DOK6: variants seen among roughly 807,000 people sequenced by gnomAD.
DOK6 encodes downstream of tyrosine kinase 6.
DOK6 carries 22 observed loss-of-function variants against 44.0 expected under a neutral mutation model. That is an observed-to-expected ratio of 0.50 (90% CI 0.36 to 0.71). DOK6 has a LOEUF of 0.71. Ranked by LOEUF, DOK6 falls within the 30% of genes least tolerant of loss-of-function variation. DOK6 has a pLI of 0.00. For synonymous variants in DOK6, 166 were observed against 145.5 expected (o/e 1.14, Z -1.01); for missense variants, 340 against 416.4 (o/e 0.82, Z 1.60).
At chr18:69,720,531 A>G (rs538027673) in intron 5 of DOK6, among the ~76,000 whole-genome samples, 54 of 152,314 alleles carry the variant, frequency 3.5e-4, no homozygotes, top group African/African-American at 1.2e-3. Flanking sequence ...AAGTCGACCA[A>G]TTTCCTAAAG....
intron 5 of DOK6, among the ~76,000 whole-genome samples, chr18:69,724,154 T>C (rs1288304446): frequency 6.6e-6 from 1 of 152,202 alleles, no homozygotes; most frequent in East Asian, 1.9e-4. Context: ...CTGAAATGTG[T>C]AATCAATCCC....
intron 5 of DOK6, among the ~76,000 whole-genome samples, chr18:69,715,751 G>A (rs1986868201): frequency 6.6e-6 from 1 of 152,182 alleles, no homozygotes; most frequent in East Asian, 1.9e-4. Context: ...ATCAGGATCT[G>A]AATTGGTCTT....
chr18:69,828,593 A>G (rs925545202), intron 7 of DOK6, among the ~76,000 whole-genome samples: 1 of 151,714 alleles, frequency 6.6e-6, no homozygotes, highest in African/African-American at 2.4e-5. Flanking sequence ...TGAAAATATA[A>G]TTCTATTTGA....
At chr18:69,628,429 G>C (rs529836273) in intron 3 of DOK6, among the ~76,000 whole-genome samples, 1 of 152,212 alleles carries the variant, frequency 6.6e-6, no homozygotes, top group South Asian at 2.1e-4. Context: ...GGCAGAACTT[G>C]CAGTGAGCCA....
chr18:69,606,647 C>T (rs953490457), intron 3 of DOK6, among the ~76,000 whole-genome samples: 5 of 151,714 alleles, frequency 3.3e-5, no homozygotes, highest in Non-Finnish European at 7.4e-5. Context: ...CCCTAAGACT[C>T]CATTTAAAAA....
chr18:69,605,114 G>A lies in DOK6; in HGVS notation c.289+5616G>A, dbSNP rs62089907. ...TGTGTGTGTGTGTGTGTGTGTGTGT[G>A]TGTGTGTGTGTGTTTCAGAATCAGC... On this transcript the variant is annotated intron_variant, in intron 3 of 7. Transcript: ENST00000382713. Among the ~76,000 whole-genome samples, 766 of 148,590 alleles carry A rather than the reference G, an allele frequency of 5.2e-3. 7 individuals carry two copies. The highest frequency in any genetic ancestry group is 0.014 in the South Asian group (67 of 4,668).
intron 6 of DOK6, among the ~76,000 whole-genome samples, chr18:69,739,959 T>A (rs957697433): frequency 2.6e-5 from 4 of 152,178 alleles, no homozygotes; most frequent in African/African-American, 9.7e-5. Flanking sequence ...TATGAAACAT[T>A]TTGAAGTATA....
At chr18:69,526,726 A>G (rs1461987515) in intron 1 of DOK6, among the ~76,000 whole-genome samples, 2 of 152,142 alleles carry the variant, frequency 1.3e-5, no homozygotes, top group Admixed American at 6.6e-5. Context: ...TTTTAAACAT[A>G]CTGAGATTTG....
At chr18:69,752,363 A>C (rs1019122827) in intron 6 of DOK6, among the ~76,000 whole-genome samples, 13 of 152,346 alleles carry the variant, frequency 8.5e-5, no homozygotes, top group Middle Eastern at 3.4e-3. Context: ...AATTCTACTT[A>C]TACATACATC....
At chr18:69,540,426 A>C (rs1489358346) in intron 1 of DOK6, among the ~76,000 whole-genome samples, 2 of 152,130 alleles carry the variant, frequency 1.3e-5, no homozygotes, top group Non-Finnish European at 2.9e-5. Flanking sequence ...CCACAAGTTA[A>C]ATAATGTGTC....
intron 1 of DOK6, among the ~76,000 whole-genome samples, chr18:69,411,765 T>G (rs1419091565): frequency 6.6e-6 from 1 of 152,110 alleles, no homozygotes; most frequent in Non-Finnish European, 1.5e-5. Flanking sequence ...CACCACTACC[T>G]CCTCAAGTAT....
chr18:69,694,089 A>AAAAAAAAAAAAAAAAAAT (rs1372739323), intron 4 of DOK6, among the ~76,000 whole-genome samples: 11 of 144,242 alleles, frequency 7.6e-5, no homozygotes, highest in Non-Finnish European at 1.7e-4. Flanking sequence ...AAAAAAAAAA[A>AAAAAAAAAAAAAAAAAAT]ATTGATCTAT....
At chr18:69,491,879 C>T (rs1027970494) in intron 1 of DOK6, among the ~76,000 whole-genome samples, 16 of 152,116 alleles carry the variant, frequency 1.1e-4, no homozygotes, top group Non-Finnish European at 2.4e-4. Flanking sequence ...ATATATAAAT[C>T]AACTTTTTTG....
At chr18:69,637,409 A>G (rs1599234469) in intron 3 of DOK6, among the ~76,000 whole-genome samples, 1 of 152,340 alleles carries the variant, frequency 6.6e-6, no homozygotes. Context: ...TTTTATCCTT[A>G]TTTAATTCAG....
chr18:69,575,652 A>C (rs1983221034), intron 2 of DOK6, among the ~76,000 whole-genome samples: 1 of 152,162 alleles, frequency 6.6e-6, no homozygotes, highest in Non-Finnish European at 1.5e-5. Flanking sequence ...AGTAGCTGTT[A>C]GTGGAATAAA....
At chr18:69,575,956 G>T (rs1237367006) in intron 2 of DOK6, among the ~76,000 whole-genome samples, 1 of 152,046 alleles carries the variant, frequency 6.6e-6, no homozygotes, top group Non-Finnish European at 1.5e-5. Flanking sequence ...AAAAATCACA[G>T]AAGTTTTTAA....
At chr18:69,528,549 A>G (rs1244065954) in intron 1 of DOK6, among the ~76,000 whole-genome samples, 2 of 152,108 alleles carry the variant, frequency 1.3e-5, no homozygotes, top group South Asian at 2.1e-4. Context: ...GCTGGTAAGA[A>G]TACTTCTCCT....
At chr18:69,776,535 G>T (rs550056480) in intron 7 of DOK6, among the ~76,000 whole-genome samples, 1 of 151,994 alleles carries the variant, frequency 6.6e-6, no homozygotes, top group African/African-American at 2.4e-5. Flanking sequence ...TTACATACAC[G>T]TATTTAGAAG....
chr18:69,775,601 T>C (rs995998832), intron 7 of DOK6, among the ~76,000 whole-genome samples: 3 of 151,128 alleles, frequency 2.0e-5, no homozygotes, highest in Non-Finnish European at 4.4e-5. Flanking sequence ...TTAATGTAAT[T>C]AGAAGTAGAG....
Sources: gnomAD v4.1 joint callset for allele counts (sites outside exome capture counted in the v4.1 genomes callset) on GRCh38, gnomAD v4.1.1 for gene constraint, MANE v1.5 for transcripts, NCBI Gene and HGNC (gene_info 2026-07-23, HGNC 2026-07-21) for gene names.